The following PHACTR1 variants were observed in gnomAD, a reference collection of about 807,000 sequenced individuals.
PHACTR1 encodes phosphatase and actin regulator 1, also known as RPEL repeat containing 1.
Under a neutral mutation model 69.2 loss-of-function variants are expected in PHACTR1, and 16 were observed. The ratio of observed to expected loss-of-function variants is 0.23; its 90% CI spans 0.16 to 0.35. PHACTR1 has a LOEUF of 0.35. Among genes scored for constraint, PHACTR1 ranks in the 10% least tolerant of loss-of-function variants. PHACTR1 has a pLI of 1.00. For synonymous variants in PHACTR1, 312 were observed against 284.5 expected (o/e 1.10, Z -0.97); for missense variants, 510 against 734.7 (o/e 0.69, Z 3.54).
chr6:12,800,917 G>A (rs1773621292), intron 4 of PHACTR1, among the ~76,000 whole-genome samples: 1 of 151,558 alleles, frequency 6.6e-6, no homozygotes, highest in Admixed American at 6.6e-5. Flanking sequence ...AAAGAAGGAA[G>A]ATAAAAAGCC....
intron 4 of PHACTR1, among the ~76,000 whole-genome samples, chr6:12,837,064 T>C (rs1332687236): frequency 1.3e-5 from 2 of 152,296 alleles, no homozygotes; most frequent in Admixed American, 1.3e-4. Flanking sequence ...CTCAGTGTCC[T>C]GCAATCATTA....
At chr6:12,981,569 T>C (rs1029528013) in intron 4 of PHACTR1, among the ~76,000 whole-genome samples, 2 of 152,230 alleles carry the variant, frequency 1.3e-5, no homozygotes, top group Non-Finnish European at 2.9e-5. Context: ...TTTCTTTACC[T>C]GTTATTTGAA....
At chr6:13,009,837 C>T (rs1054018969) in intron 4 of PHACTR1, among the ~76,000 whole-genome samples, 3 of 149,970 alleles carry the variant, frequency 2.0e-5, no homozygotes, top group Admixed American at 6.7e-5. Flanking sequence ...TCCTAGTCTG[C>T]GAGCTTGCAG....
rs1289682274 is a variant in PHACTR1, at chr6:13,286,133, C to T, written c.1651-13C>T. 1 of 1,593,512 alleles carries T rather than the reference C, an allele frequency of 6.3e-7. No individual in the cohort carries two copies. Among genetic ancestry groups the T allele is most frequent in the Admixed American group, 1.8e-5 (1 of 56,092 alleles). On this transcript the variant is annotated splice_polypyrimidine_tract_variant and intron_variant, in intron 13 of 14. Transcript: ENST00000332995. The stretch of plus-strand genomic sequence containing the variant: ...TCTCCCATTGCACATTGATGGGCTT[C>T]TGTTGATTCCAGGCTGCCATCCGAA...
At chr6:12,969,675 G>A (rs1406796425) in intron 4 of PHACTR1, among the ~76,000 whole-genome samples, 1 of 152,112 alleles carries the variant, frequency 6.6e-6, no homozygotes, top group Non-Finnish European at 1.5e-5. Context: ...AAAATGTTAA[G>A]AACAGGACAG....
At chr6:13,154,286 T>C (rs2113479828) in intron 5 of PHACTR1, among the ~76,000 whole-genome samples, 1 of 152,232 alleles carries the variant, frequency 6.6e-6, no homozygotes, top group Admixed American at 6.5e-5. Context: ...TGCCTCACCC[T>C]CCTGAGTAAG....
At chr6:12,730,772 G>T (rs1266889218) in intron 3 of PHACTR1, among the ~76,000 whole-genome samples, 1 of 151,990 alleles carries the variant, frequency 6.6e-6, no homozygotes, top group Non-Finnish European at 1.5e-5. Flanking sequence ...GCCTCCAATA[G>T]GCCCCAGTGT....
chr6:12,759,958 C>A (rs1767843611), intron 4 of PHACTR1, among the ~76,000 whole-genome samples: 2 of 152,212 alleles, frequency 1.3e-5, no homozygotes, highest in South Asian at 4.1e-4. Context: ...TTCCTCAATT[C>A]TCTCACTTGT....
chr6:12,839,711 C>T (rs1173081888), intron 4 of PHACTR1, among the ~76,000 whole-genome samples: 4 of 152,166 alleles, frequency 2.6e-5, no homozygotes, highest in African/African-American at 7.2e-5. Context: ...ACAGTGAGTT[C>T]GCCCTTATGC....
At chr6:13,016,766 C>T (rs1368179996) in intron 4 of PHACTR1, among the ~76,000 whole-genome samples, 1 of 152,112 alleles carries the variant, frequency 6.6e-6, no homozygotes, top group Non-Finnish European at 1.5e-5. Context: ...TTTTTGTTTC[C>T]TTCCGTCTTT....
chr6:12,839,886 C>T (rs753897172), intron 4 of PHACTR1, among the ~76,000 whole-genome samples: 3 of 151,628 alleles, frequency 2.0e-5, no homozygotes, highest in Non-Finnish European at 4.4e-5. Context: ...AGAGCGAACA[C>T]GGCCATAAAG....
chr6:13,170,884 G>A (rs1760506874), intron 6 of PHACTR1, among the ~76,000 whole-genome samples: 1 of 152,156 alleles, frequency 6.6e-6, no homozygotes, highest in Non-Finnish European at 1.5e-5. Context: ...TTGATTGAAG[G>A]CAGTCTGTTA....
chr6:13,028,887 ATGAAG>A (rs1167466248), intron 4 of PHACTR1, among the ~76,000 whole-genome samples: 14 of 152,330 alleles, frequency 9.2e-5, no homozygotes, highest in African/African-American at 2.9e-4. Context: ...GAGGCTTTGT[ATGAAG>A]AGGCTGGTTT....
chr6:13,218,852 GA>G (rs58480715), intron 8 of PHACTR1, among the ~76,000 whole-genome samples: 3 of 128,246 alleles, frequency 2.3e-5, no homozygotes, highest in Non-Finnish European at 4.9e-5. Context: ...GGAGGAGGAG[GA>G]AAGAGAAGAG....
intron 4 of PHACTR1, among the ~76,000 whole-genome samples, chr6:12,763,693 A>G (rs946193160): frequency 6.6e-6 from 1 of 152,204 alleles, no homozygotes; most frequent in Non-Finnish European, 1.5e-5. Context: ...TTTATTATAG[A>G]TGTTTCATCC....
Position 13,090,450 on chromosome 6 carries a change from C to T in PHACTR1, c.415+36921C>T, listed in dbSNP as rs547689043. The stretch of plus-strand genomic sequence containing the variant: ...ACGCCATTCTCCTGCCTCAGCCTCC[C>T]GAGTAGCTGGGACTATAGGTGCCCG... On this transcript the variant is annotated intron_variant, in intron 5 of 14. Transcript: ENST00000332995. 3.9e-4 allele frequency among the ~76,000 whole-genome samples: 58 copies of T among 148,850 alleles called. 2 individuals carry two copies. In the South Asian group the frequency reaches 0.011, roughly 29 times the overall value.
chr6:13,015,701 T>C (rs1800080311), intron 4 of PHACTR1, among the ~76,000 whole-genome samples: 2 of 152,164 alleles, frequency 1.3e-5, no homozygotes, highest in Admixed American at 1.3e-4. Context: ...TGTTTACAAA[T>C]GTCATTATGA....
At chr6:12,822,673 G>C (rs1333226283) in intron 4 of PHACTR1, among the ~76,000 whole-genome samples, 3 of 152,110 alleles carry the variant, frequency 2.0e-5, no homozygotes, top group Non-Finnish European at 4.4e-5. Context: ...CAGGACAGAG[G>C]GACAGAAGCC....
chr6:13,219,805 T>G (rs1768317397), intron 8 of PHACTR1, among the ~76,000 whole-genome samples: 1 of 152,206 alleles, frequency 6.6e-6, no homozygotes, highest in Non-Finnish European at 1.5e-5. Context: ...AGTCCACGGT[T>G]TTTAAAATTT....
Sources: gnomAD v4.1 joint callset for allele counts (sites outside exome capture counted in the v4.1 genomes callset) on GRCh38, gnomAD v4.1.1 for gene constraint, MANE v1.5 for transcripts, NCBI Gene and HGNC (gene_info 2026-07-23, HGNC 2026-07-21) for gene names.